KCNH1: variants seen among roughly 807,000 people sequenced by gnomAD.
KCNH1 encodes the protein potassium voltage-gated channel subfamily H member 1, also known as voltage-gated delayed rectifier potassium channel KCNH1.
In KCNH1, 27 loss-of-function variants were observed where a neutral mutation model predicts 69.2. The observed-to-expected ratio is 0.39, with a 90% CI of 0.29 to 0.54. KCNH1 has a LOEUF of 0.54. Among genes scored for constraint, KCNH1 ranks in the 20% least tolerant of loss-of-function variants. The probability of loss-of-function intolerance (pLI) is 0.68; values close to 1 mark genes in which losing one functional copy is unlikely to be tolerated. For synonymous variants in KCNH1, 456 were observed against 487.7 expected (o/e 0.93, Z 0.86); for missense variants, 798 against 1,261.6 (o/e 0.63, Z 5.57).
At position 211,134,011 on chromosome 1, in the gene KCNH1, C is replaced by G; in HGVS notation, c.-66G>C. 7.0e-7 allele frequency: 1 copy of G among 1,428,032 alleles called. No individual in the cohort carries two copies. The highest frequency in any genetic ancestry group is 9.8e-7 in the Non-Finnish European group (1 of 1,019,420). The allele number at this position is 1,428,032 out of a possible 1,614,324, so 88.5% of individuals were successfully genotyped here. On this transcript the variant is annotated 5_prime_UTR_variant, in exon 1 of 11. Coordinates refer to ENST00000271751, the MANE Select transcript of KCNH1 (RefSeq NM_172362.3). This position sits in a 1 kb window ranked among gnomAD's most constrained non-coding sequence, Gnocchi z 5.7. ...CTTCTTACGACAGCAGGAAACTGGC[C>G]TCGGGGCCCGCACGCAGTCCCGGCT...
intron 7 of KCNH1, among the ~76,000 whole-genome samples, chr1:210,909,183 C>G (rs1006603611): frequency 2.0e-5 from 3 of 152,264 alleles, no homozygotes; most frequent in African/African-American, 7.2e-5. Context: ...GCTTCTCATT[C>G]TGCAGTATCC....
chr1:210,767,401 G>C (rs988920061), intron 10 of KCNH1, among the ~76,000 whole-genome samples: 2 of 152,186 alleles, frequency 1.3e-5, no homozygotes, highest in African/African-American at 4.8e-5. Flanking sequence ...AGGTGATAGT[G>C]ATTCCCTGTG....
intron 10 of KCNH1, among the ~76,000 whole-genome samples, chr1:210,741,620 T>A (rs530729624): frequency 6.6e-6 from 1 of 152,220 alleles, no homozygotes; most frequent in East Asian, 1.9e-4. Context: ...AAAGCAGACA[T>A]GAGGAGGATA....
intron 10 of KCNH1, among the ~76,000 whole-genome samples, chr1:210,706,450 C>T (rs992066011): frequency 2.0e-5 from 3 of 152,188 alleles, no homozygotes; most frequent in Non-Finnish European, 2.9e-5. Flanking sequence ...ATAAAACTGA[C>T]CTTTGCTTTA....
At chr1:210,776,808 C>G (rs547758815) in intron 9 of KCNH1, among the ~76,000 whole-genome samples, 1 of 152,352 alleles carries the variant, frequency 6.6e-6, no homozygotes, top group South Asian at 2.1e-4. Flanking sequence ...CAAATCGTCT[C>G]TAACCATCTG....
intron 10 of KCNH1, among the ~76,000 whole-genome samples, chr1:210,742,206 A>T (rs61829485): frequency 6.6e-6 from 1 of 152,128 alleles, no homozygotes; most frequent in Non-Finnish European, 1.5e-5. Flanking sequence ...TGAAGGAATT[A>T]TTTTATTTCT....
intron 4 of KCNH1, among the ~76,000 whole-genome samples, chr1:211,088,686 C>CGT (rs144651162): frequency 6.6e-6 from 1 of 152,050 alleles, no homozygotes; most frequent in African/African-American, 2.4e-5. Context: ...CGAGGACTAA[C>CGT]GTGTGTGTGT....
intron 6 of KCNH1, among the ~76,000 whole-genome samples, chr1:211,002,998 G>C (rs1040965603): frequency 1.3e-5 from 2 of 152,108 alleles, no homozygotes; most frequent in Non-Finnish European, 2.9e-5. Flanking sequence ...TTTGCCAGTG[G>C]CCTGTTTCGG....
At chr1:211,049,428 G>GT (rs1202300374) in intron 5 of KCNH1, among the ~76,000 whole-genome samples, 1 of 152,190 alleles carries the variant, frequency 6.6e-6, no homozygotes, top group Non-Finnish European at 1.5e-5. Context: ...AAGGAAGGCA[G>GT]TACAAGAGCT....
At chr1:210,784,811 TG>T (rs1477138272) in intron 9 of KCNH1, among the ~76,000 whole-genome samples, 7 of 152,146 alleles carry the variant, frequency 4.6e-5, no homozygotes, top group African/African-American at 1.7e-4. Flanking sequence ...GCCACAAATC[TG>T]GTCAATGAAA....
chr1:210,969,333 TA>T (rs996081001), intron 6 of KCNH1, among the ~76,000 whole-genome samples: 10 of 152,152 alleles, frequency 6.6e-5, no homozygotes, highest in African/African-American at 2.4e-4. Context: ...ACTTTACATA[TA>T]AAAACTTTTT....
At position 211,133,993 on chromosome 1, in the gene KCNH1, C is replaced by T. The variant is rs772137694; in HGVS notation, c.-48G>A. On this transcript the variant is annotated 5_prime_UTR_variant, in exon 1 of 11. Transcript: ENST00000271751. This position sits in a 1 kb window ranked among gnomAD's most constrained non-coding sequence, Gnocchi z 5.4. ...GCGGGCGTCCTGGCGCGGCTTCTTA[C>T]GACAGCAGGAAACTGGCCTCGGGGC... The T allele has an allele frequency of 4.5e-6, 7 of 1,548,322 alleles. No individual in the cohort carries two copies. Among genetic ancestry groups the T allele is most frequent in the Non-Finnish European group, 6.2e-6 (7 of 1,124,610 alleles).
intron 7 of KCNH1, among the ~76,000 whole-genome samples, chr1:210,872,356 C>G (rs547597339): frequency 7.2e-5 from 11 of 152,112 alleles, no homozygotes; most frequent in Non-Finnish European, 1.6e-4. Context: ...AAGCTTCAAT[C>G]TCCCTTCACT....
In KCNH1 at chr1:210,775,474, C is replaced by T; in HGVS notation, c.1986G>A (p.Arg662=). The change falls in exon 10 of 11, where the codon AGG becomes AGA. Residue 662 remains arginine (R), a synonymous_variant. Coordinates refer to ENST00000271751, the MANE Select transcript of KCNH1 (RefSeq NM_172362.3). ...CATGCAGATCACAGTAGGTCAAGGC[C>T]CTAACATTGGCACAGGACTGGGCAA... ...ATLAQSCANV[R]ALTYCDLHVI... 2 of 1,614,016 alleles carry T rather than the reference C, an allele frequency of 1.2e-6. No homozygotes were observed. Among genetic ancestry groups the T allele is most frequent in the Non-Finnish European group, 1.7e-6 (2 of 1,179,968 alleles).
intron 6 of KCNH1, among the ~76,000 whole-genome samples, chr1:210,962,196 C>T (rs941878044): frequency 9.9e-5 from 15 of 152,226 alleles, no homozygotes; most frequent in Non-Finnish European, 2.2e-4. Context: ...CCTGGACTCC[C>T]CCTCCCTATG....
chr1:211,094,797 C>T (rs1035096967), intron 3 of KCNH1, among the ~76,000 whole-genome samples: 4 of 152,182 alleles, frequency 2.6e-5, no homozygotes, highest in Non-Finnish European at 4.4e-5. Context: ...CTTAAATTTT[C>T]GTTTCTGGAA....
At chr1:211,046,076 G>GT (rs1690091080) in intron 5 of KCNH1, among the ~76,000 whole-genome samples, 1 of 152,052 alleles carries the variant, frequency 6.6e-6, no homozygotes, top group African/African-American at 2.4e-5. Context: ...CTTTATTCAC[G>GT]TAATATAACA....
At chr1:211,059,294 T>TAG (rs939982819) in intron 5 of KCNH1, among the ~76,000 whole-genome samples, 11 of 136,772 alleles carry the variant, frequency 8.0e-5, no homozygotes, top group East Asian at 4.4e-4. Context: ...AAAAAAAAAA[T>TAG]AGAGAGAGAG....
intron 5 of KCNH1, among the ~76,000 whole-genome samples, chr1:211,035,081 T>A (rs1410665128): frequency 3.3e-5 from 5 of 152,058 alleles, no homozygotes; most frequent in Non-Finnish European, 1.5e-5. Flanking sequence ...GACCACAGAC[T>A]CTCCCCTGAT....
Sources: gnomAD v4.1 joint callset for allele counts (sites outside exome capture counted in the v4.1 genomes callset) on GRCh38, gnomAD v4.1.1 for gene constraint, Gnocchi (gnomAD v3.1) non-coding constraint, MANE v1.5 for transcripts, NCBI Gene and HGNC (gene_info 2026-07-23, HGNC 2026-07-21) for gene names.